The following NUP98 variants were observed in gnomAD, a reference collection of about 807,000 sequenced individuals.
The protein encoded by NUP98 is nuclear pore complex protein Nup98-Nup96.
A neutral mutation model predicts 191.9 loss-of-function variants in NUP98; 26 were observed. That is an observed-to-expected ratio of 0.14 (90% confidence interval 0.10 to 0.19). The LOEUF (loss-of-function observed/expected upper bound fraction) is 0.19, where lower values mean the gene tolerates loss of function less well. NUP98 is among the 10% of genes least tolerant of loss of function. NUP98 has a pLI of 1.00. For synonymous variants in NUP98, 808 were observed against 778.4 expected, an observed-to-expected ratio of 1.04 and a Z score of -0.63; for missense variants, 1,941 against 2,178.8, an observed-to-expected ratio of 0.89 and a Z score of 2.17.
At chr11:3,694,744 GAA>G (rs746185283) in intron 26 of NUP98, among the ~76,000 whole-genome samples, 2 of 122,976 alleles carry the variant, frequency 1.6e-5, no homozygotes, top group African/African-American at 2.9e-5. Context: ...TGTCTCAAGA[GAA>G]AAAAAAAAAA....
chr11:3,687,696 G>A (rs1003436228), intron 28 of NUP98, among the ~76,000 whole-genome samples: 2 of 152,204 alleles, frequency 1.3e-5, no homozygotes, highest in Admixed American at 6.5e-5. Context: ...AGAAAGAGAC[G>A]TTGTTAAAGA....
At chr11:3,684,056 A>T (rs11029018) in intron 29 of NUP98, among the ~76,000 whole-genome samples, 79,607 of 151,154 alleles carry the variant, frequency 0.53, 21,822 homozygotes, top group Admixed American at 0.7. Context: ...AAAAATAATT[A>T]AAAAAATTAG....
At position 3,678,116 on chromosome 11, in the gene NUP98, T is replaced by A. The variant is rs538548498; in HGVS notation, c.5073+1438A>T. On this transcript the variant is annotated intron_variant, in intron 31 of 32. Transcript: ENST00000324932. ...TTGTGCCACTGCCCTCCAGCCTGGG[T>A]GACAGAGTAAAACTCTGCCTAAAAA... is the stretch of plus-strand genomic sequence containing the variant. Among the ~76,000 whole-genome samples, 6 of 144,856 alleles carry A rather than the reference T, an allele frequency of 4.1e-5. 1 individual carries two copies. The South Asian group carries it at 1.3e-3, about 31-fold the overall frequency.
chr11:3,683,059 A>C, intron 30 of NUP98, 141 bp downstream of exon 30: 2 of 1,228,594 alleles, frequency 1.6e-6, no homozygotes, highest in Non-Finnish European at 1.1e-6. Context: ...CCTCTTCTGC[A>C]GAGAGCTTTT....
intron 18 of NUP98, among the ~76,000 whole-genome samples, chr11:3,717,515 T>C (rs1014017805): frequency 9.8e-5 from 15 of 152,362 alleles, no homozygotes; most frequent in East Asian, 3.9e-4. Context: ...GCAACTGATT[T>C]TTCCATGTTG....
chr11:3,773,265 C>T (rs1191546242), intron 6 of NUP98, among the ~76,000 whole-genome samples: 4 of 151,812 alleles, frequency 2.6e-5, no homozygotes, highest in African/African-American at 4.8e-5. Flanking sequence ...ATTAGCTGGG[C>T]GTGGGGCACA....
At chr11:3,743,518 G>A (rs2080366048) in intron 12 of NUP98, among the ~76,000 whole-genome samples, 1 of 149,372 alleles carries the variant, frequency 6.7e-6, no homozygotes, top group Admixed American at 6.7e-5. Flanking sequence ...ATGGTGGCGG[G>A]CACCTGTAGT....
intron 30 of NUP98, among the ~76,000 whole-genome samples, chr11:3,682,229 GA>G (rs1297074867): frequency 6.6e-6 from 1 of 152,206 alleles, no homozygotes; most frequent in African/African-American, 2.4e-5. Flanking sequence ...GCATCAGCCA[GA>G]AAGCTGTTTC....
At chr11:3,712,861 T>G (rs2079061897) in intron 19 of NUP98, 133 bp from the exon 20 acceptor site, 1 of 813,056 alleles carries the variant, frequency 1.2e-6, no homozygotes. Flanking sequence ...TAAAGCAAAA[T>G]ATATCACCTA....
intron 27 of NUP98, among the ~76,000 whole-genome samples, chr11:3,692,390 G>A (rs1038379827): frequency 6.6e-6 from 1 of 151,642 alleles, no homozygotes; most frequent in Non-Finnish European, 1.5e-5. Context: ...CACTTAGGGA[G>A]GCCGAGGCAG....
Position 3,699,846 on chromosome 11 carries a change from T to G in NUP98, c.3743-498A>C, listed in dbSNP as rs534056270. ...AGGACATTCTAAAACAGCCCATTTT[T>G]CAATAAACGTGATTTGCTAAACAAA... On this transcript the variant is annotated intron_variant, in intron 24 of 32. Coordinates refer to ENST00000324932, the MANE Select transcript of NUP98 (RefSeq NM_016320.5). 5.3e-5 allele frequency among the ~76,000 whole-genome samples: 8 copies of G among 152,318 alleles called. No individual in the cohort carries two copies. In the South Asian group the frequency reaches 1.7e-3, roughly 32 times the overall value.
At chr11:3,697,396 A>C (rs1478203490) in intron 25 of NUP98, 1 of 152,250 alleles carries the variant, frequency 6.6e-6, no homozygotes, top group African/African-American at 2.4e-5. Context: ...ACTCTTCAAA[A>C]TAAATCCAGT....
chr11:3,712,625 G>A lies in NUP98; in HGVS notation c.2681C>T (p.Pro894Leu). ...TKKLKTAPLP[P>L]ASQTTPLQMA... ...CTGCAAGGGCGTAGTCTGGCTTGCA[G>A]GAGGCAAAGGAGCAGTCTTCAACTT... is the stretch of plus-strand genomic sequence containing the variant. Residue 894 changes from proline to leucine, a missense_variant, in exon 20 of 33, where the codon CCT becomes CTT. By Grantham distance (98) the Pro-to-Leu change is moderately conservative. Transcript: ENST00000324932. 6.2e-7 allele frequency: 1 copy of A among 1,613,970 alleles called. No individual in the cohort carries two copies. Among genetic ancestry groups the A allele is most frequent in the Non-Finnish European group, 8.5e-7 (1 of 1,180,010 alleles).
At chr11:3,716,088 A>G (rs1266337183) in intron 18 of NUP98, among the ~76,000 whole-genome samples, 2 of 152,042 alleles carry the variant, frequency 1.3e-5, no homozygotes, top group Non-Finnish European at 2.9e-5. Flanking sequence ...ATATAGTGTC[A>G]TTTGTCTATT....
intron 28 of NUP98, among the ~76,000 whole-genome samples, chr11:3,688,179 C>T (rs187279932): frequency 1.0e-4 from 15 of 149,702 alleles, no homozygotes; most frequent in African/African-American, 3.2e-4. Flanking sequence ...CTGAGGTGAG[C>T]GGATCACGAG....
chr11:3,700,707 T>C lies in NUP98; in HGVS notation c.3645A>G (p.Glu1215=). The change falls in exon 24 of 33, where the codon GAA becomes GAG. Residue 1215 remains glutamate, a synonymous_variant. Coordinates refer to ENST00000324932, the MANE Select transcript of NUP98 (RefSeq NM_016320.5). ...GATTGGGGACAATGAGAGGACACAG[T>C]TCATCCACATGGACAGTGCTGTGTT... is the stretch of plus-strand genomic sequence containing the variant. ...KLKHSTVHVD[E]LCPLIVPNLG... 6.2e-7 allele frequency: 1 copy of C among 1,614,168 alleles called. No individual in the cohort carries two copies. Among genetic ancestry groups the C allele is most frequent in the Non-Finnish European group, 8.5e-7 (1 of 1,179,990 alleles).
intron 18 of NUP98, chr11:3,714,626 A>G (rs184740054): frequency 5.0e-4 from 79 of 158,590 alleles, no homozygotes; most frequent in Middle Eastern, 3.1e-3. Context: ...AAGTTGACTT[A>G]TCCCAGATAC....
intron 18 of NUP98, 49 bp downstream of exon 18, chr11:3,719,363 A>T: frequency 6.6e-7 from 1 of 1,522,972 alleles, no homozygotes; most frequent in Non-Finnish European, 8.9e-7. Flanking sequence ...TTACAGAAAA[A>T]AAAATTGTGA....
chr11:3,729,873 G>T (rs2079776729), intron 14 of NUP98, among the ~76,000 whole-genome samples: 1 of 151,992 alleles, frequency 6.6e-6, no homozygotes, highest in South Asian at 2.1e-4. Context: ...TGGTGAAGCT[G>T]ATCTCGAGCT....
Sources: gnomAD v4.1 joint callset for allele counts (sites outside exome capture counted in the v4.1 genomes callset) on GRCh38, gnomAD v4.1.1 for gene constraint, MANE v1.5 for transcripts, NCBI Gene and HGNC (gene_info 2026-07-23, HGNC 2026-07-21) for gene names.